The following STRN3 variants were observed in gnomAD, a reference collection of about 807,000 sequenced individuals.
The protein encoded by STRN3 is striatin 3.
Under a neutral mutation model 95.6 loss-of-function variants are expected in STRN3, and 29 were observed. The ratio of observed to expected loss-of-function variants is 0.30; its 90% CI spans 0.23 to 0.41. The LOEUF is 0.41. STRN3 is among the 10% of genes least tolerant of loss of function. The pLI, the probability that STRN3 is intolerant of heterozygous loss-of-function variation, is 1.00. For synonymous variants in STRN3, 331 were observed against 357.6 expected (o/e 0.93, Z 0.84); for missense variants, 890 against 972.1 (o/e 0.92, Z 1.12).
intron 9 of STRN3, among the ~76,000 whole-genome samples, chr14:30,918,516 A>G (rs995032912): frequency 4.8e-4 from 40 of 83,858 alleles, no homozygotes; most frequent in African/African-American, 7.5e-5. Context: ...CTCAAGGAAA[A>G]AAAAAGAAAA....
Position 31,026,365 on chromosome 14 carries a change from A to C in STRN3, c.-180T>G. The C allele has an allele frequency of 6.1e-6, 2 of 325,968 alleles. No individual in the cohort carries two copies. Among genetic ancestry groups the C allele is most frequent in the Non-Finnish European group, 9.6e-6 (2 of 208,234 alleles). The allele number at this position is 325,968 out of a possible 1,614,324, so 20.2% of individuals were successfully genotyped here. ...GGAGCTGCCGGCTGCCGCCATTACA[A>C]TCCCTCCTCCATCTGCCCGTCTCAC... On this transcript the variant is annotated 5_prime_UTR_variant, in exon 1 of 18. Coordinates refer to ENST00000357479, the MANE Select transcript of STRN3 (RefSeq NM_001083893.2).
intron 1 of STRN3, among the ~76,000 whole-genome samples, chr14:30,985,490 G>C (rs1484853506): frequency 6.6e-6 from 1 of 151,782 alleles, no homozygotes; most frequent in South Asian, 2.1e-4. Flanking sequence ...TGTAGTTCCA[G>C]CTACTTGGGA....
intron 1 of STRN3, among the ~76,000 whole-genome samples, chr14:30,969,049 GT>G (rs1232593678): frequency 3.3e-5 from 5 of 152,162 alleles, no homozygotes; most frequent in Non-Finnish European, 5.9e-5. Flanking sequence ...GTATCATCCA[GT>G]TTTTCTGTGA....
chr14:30,911,938 T>C (rs1035805860), intron 11 of STRN3, 69 bp downstream of exon 11: 5 of 1,568,272 alleles, frequency 3.2e-6, no homozygotes, highest in Middle Eastern at 1.7e-4. Context: ...CATGCAACAA[T>C]AATGAGGAAT....
At chr14:30,944,762 C>T (rs1442457023) in intron 5 of STRN3, among the ~76,000 whole-genome samples, 2 of 151,346 alleles carry the variant, frequency 1.3e-5, no homozygotes, top group African/African-American at 4.9e-5. Context: ...GGATTACAAG[C>T]GTGCACCCAG....
At chr14:30,971,095 C>T (rs1319539508) in intron 1 of STRN3, among the ~76,000 whole-genome samples, 1 of 152,244 alleles carries the variant, frequency 6.6e-6, no homozygotes, top group East Asian at 1.9e-4. Context: ...GGAAACTTAG[C>T]GTTCCTTGGA....
rs1250595895 is a variant in STRN3, at chr14:31,018,444, CTA to C, written c.282+7458_282+7459del. 4 of 409,926 alleles carry C rather than the reference CTA, an allele frequency of 9.8e-6. No individual in the cohort carries two copies. In the Admixed American group the frequency reaches 1.2e-4, roughly 12 times the overall value. 25.4% of individuals were successfully genotyped at this position (409,926 alleles called of 1,614,324 possible). Reference sequence around the variant, plus strand: ...CTTTATTCTTTCTCGACCCTTGTTCCTATGACACACCTCCTCCTGACTGTCAC... The same window carrying C: ...CTTTATTCTTTCTCGACCCTTGTTCCTGACACACCTCCTCCTGACTGTCAC... On this transcript the variant is annotated intron_variant, in intron 1 of 17. Transcript: ENST00000357479.
chr14:31,013,482 G>C (rs562839246), intron 1 of STRN3, among the ~76,000 whole-genome samples: 3 of 152,140 alleles, frequency 2.0e-5, no homozygotes, highest in African/African-American at 7.2e-5. Flanking sequence ...AAAAACACTA[G>C]AGAGGGACAC....
At chr14:30,960,310 C>T (rs1001236460) in intron 1 of STRN3, among the ~76,000 whole-genome samples, 1 of 152,126 alleles carries the variant, frequency 6.6e-6, no homozygotes, top group Admixed American at 6.5e-5. Context: ...TGCACTCCAA[C>T]CCGGGCAACA....
chr14:30,999,842 T>G (rs1248177462), intron 1 of STRN3, among the ~76,000 whole-genome samples: 1 of 151,954 alleles, frequency 6.6e-6, no homozygotes, highest in Non-Finnish European at 1.5e-5. Flanking sequence ...TAAAAGAGAT[T>G]CACATCAAGA....
intron 1 of STRN3, among the ~76,000 whole-genome samples, chr14:31,019,443 T>C (rs1883398056): frequency 6.6e-6 from 1 of 152,232 alleles, no homozygotes; most frequent in Non-Finnish European, 1.5e-5. Flanking sequence ...GTCACAATAC[T>C]ATATTATTTT....
intron 9 of STRN3, among the ~76,000 whole-genome samples, chr14:30,917,414 T>A (rs552999296): frequency 2.3e-4 from 35 of 152,294 alleles, no homozygotes; most frequent in Non-Finnish European, 4.9e-4. Flanking sequence ...AGGGTCCACA[T>A]TGCTAACGTG....
At chr14:31,008,961 C>T (rs1226462542) in intron 1 of STRN3, among the ~76,000 whole-genome samples, 2 of 151,916 alleles carry the variant, frequency 1.3e-5, no homozygotes, top group African/African-American at 4.8e-5. Flanking sequence ...ACCACTTGAG[C>T]CCAGGAGGTT....
At chr14:30,898,454 A>G (rs1252529892) in intron 16 of STRN3, among the ~76,000 whole-genome samples, 2 of 152,218 alleles carry the variant, frequency 1.3e-5, no homozygotes, top group Admixed American at 6.5e-5. Context: ...CCTGTGCACT[A>G]AACTAACCCT....
chr14:30,941,397 TG>T (rs1002932357), intron 5 of STRN3, among the ~76,000 whole-genome samples: 2 of 152,206 alleles, frequency 1.3e-5, no homozygotes, highest in South Asian at 2.1e-4. Context: ...GCCAACATAC[TG>T]GAAGTCACAC....
At chr14:30,986,184 G>A (rs533307206) in intron 1 of STRN3, among the ~76,000 whole-genome samples, 43 of 152,162 alleles carry the variant, frequency 2.8e-4, no homozygotes, top group Non-Finnish European at 5.3e-4. Context: ...TTCACTGCAT[G>A]GATGCGTGTG....
chr14:30,998,598 C>G (rs1882309287), intron 1 of STRN3, among the ~76,000 whole-genome samples: 1 of 152,240 alleles, frequency 6.6e-6, no homozygotes. Flanking sequence ...ATAGAGCCCC[C>G]TGGCAAAGAC....
chr14:30,903,644 C>T (rs867889153), intron 15 of STRN3, among the ~76,000 whole-genome samples: 1 of 152,194 alleles, frequency 6.6e-6, no homozygotes, highest in Non-Finnish European at 1.5e-5. Context: ...AGCTATCTTC[C>T]CACATTGGCC....
chr14:30,937,739 G>C (rs1167423613), intron 5 of STRN3, among the ~76,000 whole-genome samples: 1 of 152,112 alleles, frequency 6.6e-6, no homozygotes, highest in Non-Finnish European at 1.5e-5. Flanking sequence ...GTAAATTGTG[G>C]GGGCTGAATT....
Sources: gnomAD v4.1 joint callset for allele counts (sites outside exome capture counted in the v4.1 genomes callset) on GRCh38, gnomAD v4.1.1 for gene constraint, MANE v1.5 for transcripts, NCBI Gene and HGNC (gene_info 2026-07-23, HGNC 2026-07-21) for gene names.